DAZAP1: variants seen among roughly 807,000 people sequenced by gnomAD.
The protein encoded by DAZAP1 is DAZ-associated protein 1.
In DAZAP1, 6 loss-of-function variants were observed where a neutral mutation model predicts 60.1. The observed-to-expected ratio is 0.10, with a 90% CI of 0.05 to 0.20. The LOEUF (loss-of-function observed/expected upper bound fraction) is 0.20, where lower values mean the gene tolerates loss of function less well. Among genes scored for constraint, DAZAP1 ranks in the 10% least tolerant of loss-of-function variants. The pLI is 1.00. For synonymous variants in DAZAP1, 235 were observed against 215.9 expected (o/e 1.09, Z -0.78); for missense variants, 366 against 560.4 (o/e 0.65, Z 3.50).
chr19:1,418,427 C>T lies in DAZAP1; in HGVS notation c.237+57C>T. The T allele has an allele frequency of 6.3e-7, 1 of 1,588,484 alleles. No individual in the cohort carries two copies. Among genetic ancestry groups the T allele is most frequent in the South Asian group, 1.1e-5 (1 of 89,698 alleles). ...CTCTGTCTCCCCTGTCCTTCCTCTGCTTCATTTTTTCCTGGACTCTGACCG... is the reference window on the plus strand; with the variant it reads ...CTCTGTCTCCCCTGTCCTTCCTCTGTTTCATTTTTTCCTGGACTCTGACCG... On this transcript the variant is annotated intron_variant, in intron 3 of 11. Coordinates refer to ENST00000233078, the MANE Select transcript of DAZAP1 (RefSeq NM_018959.4). This position sits in a 1 kb window ranked among gnomAD's most constrained non-coding sequence, Gnocchi z 5.7.
At chr19:1,421,127 T>C in intron 4 of DAZAP1, 21 bp from the exon 5 acceptor site, 1 of 1,610,790 alleles carries the variant, frequency 6.2e-7, no homozygotes, top group Non-Finnish European at 8.5e-7. Flanking sequence ...GTGAACTAAC[T>C]ATCCTTCCCT....
In DAZAP1 at chr19:1,418,105, C is replaced by T; in HGVS notation, c.71-99C>T. On this transcript the variant is annotated intron_variant, in intron 2 of 11. Coordinates refer to ENST00000233078, the MANE Select transcript of DAZAP1 (RefSeq NM_018959.4). The surrounding 1 kb of genome is among the most constrained non-coding windows in gnomAD (Gnocchi z 5.7). ...CAGTGCAGCATCGCTCGGTGCGTGGCTGGTGGACTGGAGGAGTGTGCGTGC... is the reference window on the plus strand; with the variant it reads ...CAGTGCAGCATCGCTCGGTGCGTGGTTGGTGGACTGGAGGAGTGTGCGTGC... The T allele has an allele frequency of 7.8e-7, 1 of 1,276,646 alleles. No individual in the cohort carries two copies. Among genetic ancestry groups the T allele is most frequent in the Non-Finnish European group, 1.1e-6 (1 of 894,650 alleles). The allele number at this position is 1,276,646 out of a possible 1,614,324, so 79.1% of individuals were successfully genotyped here.
intron 6 of DAZAP1, among the ~76,000 whole-genome samples, chr19:1,424,671 C>A (rs1192718171): frequency 2.6e-5 from 4 of 152,072 alleles, no homozygotes; most frequent in Non-Finnish European, 5.9e-5. Context: ...CTCGTTCACG[C>A]CTCACGCCCG....
Position 1,426,169 on chromosome 19 carries a change from C to T in DAZAP1, c.546+209C>T, listed in dbSNP as rs115556085. The stretch of plus-strand genomic sequence containing the variant: ...TTCCTGCGGGGTGGGGATCTCTCAG[C>T]TTTGCTCCTGGAGCCCCTCCCTCTG... On this transcript the variant is annotated intron_variant, in intron 7 of 11. Coordinates refer to ENST00000233078, the MANE Select transcript of DAZAP1 (RefSeq NM_018959.4). The surrounding 1 kb of genome is among the most constrained non-coding windows in gnomAD (Gnocchi z 5.4). Among the ~76,000 whole-genome samples, 872 of 152,308 alleles carry T rather than the reference C, an allele frequency of 5.7e-3. 7 individuals are homozygous for T. The highest frequency in any genetic ancestry group is 0.02 in the African/African-American group (826 of 41,564).
intron 1 of DAZAP1, among the ~76,000 whole-genome samples, chr19:1,409,519 CTG>C (rs2082763576): frequency 6.6e-6 from 1 of 152,232 alleles, no homozygotes; most frequent in South Asian, 2.1e-4. Context: ...TGGAGGAGAA[CTG>C]GAGTGCATGG....
chr19:1,425,331 A>G lies in DAZAP1; in HGVS notation c.464-547A>G, dbSNP rs2083279705. 6.6e-6 allele frequency among the ~76,000 whole-genome samples: 1 copy of G among 152,226 alleles called. No homozygotes were observed. Reference sequence around the variant, plus strand: ...AGCACTAGCTGCAAAGCAAATTGCAAGCCAAGGGGGAGAATCCTGGGTTTC... The same window carrying G: ...AGCACTAGCTGCAAAGCAAATTGCAGGCCAAGGGGGAGAATCCTGGGTTTC... On this transcript the variant is annotated intron_variant, in intron 6 of 11. Transcript: ENST00000233078. This position sits in a 1 kb window ranked among gnomAD's most constrained non-coding sequence, Gnocchi z 5.4.
At chr19:1,413,665 G>A (rs1158457039) in intron 1 of DAZAP1, among the ~76,000 whole-genome samples, 2 of 152,206 alleles carry the variant, frequency 1.3e-5, no homozygotes, top group Admixed American at 6.5e-5. Context: ...GGCCGCGCGC[G>A]GTGCCTCACG....
intron 1 of DAZAP1, among the ~76,000 whole-genome samples, chr19:1,408,772 A>G (rs1600172057): frequency 6.6e-6 from 1 of 152,216 alleles, no homozygotes; most frequent in Non-Finnish European, 1.5e-5. Context: ...CGGGGCCGGG[A>G]AACCTCATTT....
intron 7 of DAZAP1, chr19:1,427,581 T>G (rs1028363023): frequency 2.6e-5 from 4 of 152,292 alleles, no homozygotes; most frequent in African/African-American, 9.6e-5. Context: ...TGAAAGAATT[T>G]TTTTTTGTTT....
At chr19:1,427,069 T>C (rs1406819264) in intron 7 of DAZAP1, 1 of 152,242 alleles carries the variant, frequency 6.6e-6, no homozygotes, top group Non-Finnish European at 1.5e-5. Flanking sequence ...GCAGACTTCA[T>C]TAATTCCATT....
In DAZAP1 at chr19:1,418,771, A is replaced by G; in HGVS notation, c.303+40A>G. The G allele has an allele frequency of 6.4e-7, 1 of 1,550,504 alleles. No homozygotes were observed. Among genetic ancestry groups the G allele is most frequent in the African/African-American group, 1.4e-5 (1 of 72,630 alleles). ...CGGGCGGCCTCCTTGTGTGTTCTCC[A>G]CTCCACGTGGAAAGGAAATGCGTGC... On this transcript the variant is annotated intron_variant, in intron 4 of 11. Coordinates refer to ENST00000233078, the MANE Select transcript of DAZAP1 (RefSeq NM_018959.4). The surrounding 1 kb of genome is among the most constrained non-coding windows in gnomAD (Gnocchi z 5.7).
chr19:1,422,247 C>T lies in DAZAP1; in HGVS notation c.415-101C>T. ...CCTCCCCCGCTCAGGGAGGGCGCAC[C>T]CTGTGCGAGAGTTTGGGTTCGTGGG... On this transcript the variant is annotated intron_variant, in intron 5 of 11. Transcript: ENST00000233078. This position sits in a 1 kb window ranked among gnomAD's most constrained non-coding sequence, Gnocchi z 4.5. The T allele has an allele frequency of 9.2e-7, 1 of 1,085,576 alleles. No individual in the cohort carries two copies. Among genetic ancestry groups the T allele is most frequent in the Non-Finnish European group, 1.4e-6 (1 of 715,726 alleles). 67.2% of individuals were successfully genotyped at this position (1,085,576 alleles called of 1,614,324 possible). A position where few individuals can be genotyped will look rare whatever the true frequency, so the allele number is the denominator to read the frequency against.
At position 1,407,727 on chromosome 19, in the gene DAZAP1, G is replaced by A. The variant is rs2082705855; in HGVS notation, c.-47G>A. 2 of 1,073,668 alleles carry A rather than the reference G, an allele frequency of 1.9e-6. No individual in the cohort carries two copies. Among genetic ancestry groups the A allele is most frequent in the Non-Finnish European group, 1.1e-6 (1 of 888,468 alleles). 66.5% of individuals were successfully genotyped at this position (1,073,668 alleles called of 1,614,324 possible). A position where few individuals can be genotyped will look rare whatever the true frequency, so the allele number is the denominator to read the frequency against. ...AGCGGGTGACCTTCCGGAGGCGGGA[G>A]CGAGCGAGGAGGCCCGGGAGCGCCG... On this transcript the variant is annotated 5_prime_UTR_variant, in exon 1 of 12. Coordinates refer to ENST00000233078, the MANE Select transcript of DAZAP1 (RefSeq NM_018959.4).
chr19:1,418,580 G>T lies in DAZAP1; in HGVS notation c.238-86G>T. 1 of 1,551,822 alleles carries T rather than the reference G, an allele frequency of 6.4e-7. No individual in the cohort carries two copies. The highest frequency in any genetic ancestry group is 1.4e-5 in the African/African-American group (1 of 73,694). On this transcript the variant is annotated intron_variant, in intron 3 of 11. Transcript: ENST00000233078. The surrounding 1 kb of genome is among the most constrained non-coding windows in gnomAD (Gnocchi z 5.7). Reference sequence around the variant, plus strand: ...GCGGGGCGGGGCGGGCCGGGCTGCTGTGCCGTGGCTGCTGTTGTGCTGACA... The same window carrying T: ...GCGGGGCGGGGCGGGCCGGGCTGCTTTGCCGTGGCTGCTGTTGTGCTGACA...
chr19:1,431,394 G>A (rs556613922), intron 10 of DAZAP1, among the ~76,000 whole-genome samples: 2 of 152,134 alleles, frequency 1.3e-5, no homozygotes, highest in African/African-American at 2.4e-5. Context: ...CTCCCAAAGC[G>A]CTGGGATTAG....
chr19:1,432,603 C>T lies in DAZAP1; in HGVS notation c.961C>T (p.Leu321=), dbSNP rs371012185. 9.4e-5 allele frequency: 152 copies of T among 1,613,732 alleles called. No individual in the cohort carries two copies. Among genetic ancestry groups the T allele is most frequent in the African/African-American group, 1.5e-4 (11 of 75,030 alleles). The change falls in exon 11 of 12, where the codon CTG becomes TTG. Residue 321 remains leucine, a synonymous_variant. Transcript: ENST00000233078. This position sits in a 1 kb window ranked among gnomAD's most constrained non-coding sequence, Gnocchi z 4.9. ...ACCAGCCACTCCCGGGGCAGCACCT[C>T]TGGCTTTCCCACCGCCTCCGTCTCA... ...PPPATPGAAP[L]AFPPPPSQAA...
At chr19:1,431,441 T>C (rs1033027788) in intron 10 of DAZAP1, among the ~76,000 whole-genome samples, 2 of 152,092 alleles carry the variant, frequency 1.3e-5, no homozygotes, top group African/African-American at 2.4e-5. Context: ...TTTTATTTAT[T>C]TTTTTGAGAT....
At position 1,433,873 on chromosome 19, in the gene DAZAP1, G is replaced by T. The variant is rs376812277; in HGVS notation, c.1049-864G>T. 1 of 1,568,040 alleles carries T rather than the reference G, an allele frequency of 6.4e-7. No individual in the cohort carries two copies. The highest frequency in any genetic ancestry group is 1.1e-5 in the South Asian group (1 of 90,068). ...CAGGGTCCTCCCACCCGCCTGCACCGGGAGGTGGACGTGGCTTCCTCTGCC... is the reference window on the plus strand; with the variant it reads ...CAGGGTCCTCCCACCCGCCTGCACCTGGAGGTGGACGTGGCTTCCTCTGCC... On this transcript the variant is annotated intron_variant, in intron 11 of 11. Transcript: ENST00000233078. The surrounding 1 kb of genome is among the most constrained non-coding windows in gnomAD (Gnocchi z 6.1).
chr19:1,430,734 T>TC (rs1254638285), intron 10 of DAZAP1, among the ~76,000 whole-genome samples: 1 of 151,956 alleles, frequency 6.6e-6, no homozygotes, highest in African/African-American at 2.4e-5. Flanking sequence ...TTTTTTTTTT[T>TC]TTTTGAGATG....
Sources: allele counts gnomAD v4.1 joint callset (sites outside exome capture counted in the v4.1 genomes callset), GRCh38; gene constraint gnomAD v4.1.1; non-coding constraint Gnocchi (gnomAD v3.1); transcripts MANE v1.5; gene names NCBI Gene and HGNC (gene_info 2026-07-23, HGNC 2026-07-21).